The following OVOL2 variants were observed in gnomAD, a reference collection of about 807,000 sequenced individuals.
OVOL2 encodes the protein ovo like zinc finger 2.
OVOL2 carries 13 observed loss-of-function variants against 18.1 expected under a neutral mutation model. The ratio of observed to expected loss-of-function variants is 0.72; its 90% CI spans 0.47 to 1.14. OVOL2 has a LOEUF of 1.14. OVOL2 is among the 50% of genes most tolerant of loss of function. The pLI, the probability that OVOL2 is intolerant of heterozygous loss-of-function variation, is 0.00. For missense variants in OVOL2, 335 were observed against 383.0 expected, an observed-to-expected ratio of 0.87 and a Z score of 1.05; for synonymous variants, 166 against 162.7, an observed-to-expected ratio of 1.02 and a Z score of -0.16.
chr20:18,035,991 A>G (rs144637594), intron 3 of OVOL2, among the ~76,000 whole-genome samples: 2 of 152,312 alleles, frequency 1.3e-5, no homozygotes, highest in African/African-American at 2.4e-5. Context: ...TGTAAAATCC[A>G]TATTAAAAAT....
At chr20:18,034,053 T>G (rs6034943) in intron 3 of OVOL2, among the ~76,000 whole-genome samples, 23,883 of 152,010 alleles carry the variant, frequency 0.16, 3,088 homozygotes, top group African/African-American at 0.34. Context: ...TCCCATGTTG[T>G]CCTCAGTGAT....
intron 3 of OVOL2, among the ~76,000 whole-genome samples, chr20:18,035,908 GA>G (rs1440077715): frequency 1.3e-5 from 2 of 152,176 alleles, no homozygotes; most frequent in Non-Finnish European, 2.9e-5. Context: ...AAACAGGTAG[GA>G]AGAAACAGGT....
chr20:18,056,144 A>G lies in OVOL2; in HGVS notation c.321+513T>C, dbSNP rs2036821945. ...TCTGACAGACACTGGGAACCGGTTCATGTTGGGAGAGGCCCACTATGTGTC... is the reference window on the plus strand; with the variant it reads ...TCTGACAGACACTGGGAACCGGTTCGTGTTGGGAGAGGCCCACTATGTGTC... On this transcript the variant is annotated intron_variant, in intron 2 of 3. Coordinates refer to ENST00000278780, the MANE Select transcript of OVOL2 (RefSeq NM_021220.4). This position sits in a 1 kb window ranked among gnomAD's most constrained non-coding sequence, Gnocchi z 4.2. Among the ~76,000 whole-genome samples, 1 of 152,234 alleles carries G rather than the reference A, an allele frequency of 6.6e-6. No homozygotes were observed. Among genetic ancestry groups the G allele is most frequent in the Non-Finnish European group, 1.5e-5 (1 of 68,040 alleles).
At chr20:18,050,973 A>C (rs1247846079) in intron 2 of OVOL2, among the ~76,000 whole-genome samples, 1 of 152,200 alleles carries the variant, frequency 6.6e-6, no homozygotes, top group African/African-American at 2.4e-5. Flanking sequence ...GGAGACAAAA[A>C]AACAAGAGGA....
At chr20:18,037,747 A>G (rs938991691) in intron 3 of OVOL2, among the ~76,000 whole-genome samples, 1 of 152,082 alleles carries the variant, frequency 6.6e-6, no homozygotes, top group Non-Finnish European at 1.5e-5. Flanking sequence ...TGCATTCTAT[A>G]TGGTTCTTCA....
chr20:18,030,552 A>G (rs917902944), intron 3 of OVOL2, among the ~76,000 whole-genome samples: 2 of 152,146 alleles, frequency 1.3e-5, no homozygotes, highest in Admixed American at 1.3e-4. Context: ...TCTTCAGTCA[A>G]CACAGCCTCT....
At chr20:18,036,015 C>T (rs932591627) in intron 3 of OVOL2, among the ~76,000 whole-genome samples, 1 of 152,066 alleles carries the variant, frequency 6.6e-6, no homozygotes, top group Non-Finnish European at 1.5e-5. Context: ...GATTTTTGGC[C>T]GAGTGCAGTG....
chr20:18,037,950 G>C (rs972549083), intron 3 of OVOL2, among the ~76,000 whole-genome samples: 5 of 151,824 alleles, frequency 3.3e-5, no homozygotes, highest in Non-Finnish European at 7.4e-5. Context: ...CCCAAACTAA[G>C]ACACTCCTCA....
intron 3 of OVOL2, among the ~76,000 whole-genome samples, chr20:18,035,897 C>CAAACA (rs2036611299): frequency 1.3e-5 from 2 of 152,134 alleles, no homozygotes; most frequent in South Asian, 4.1e-4. Flanking sequence ...GTAGAAGCCT[C>CAAACA]AAACAGGTAG....
At chr20:18,035,065 T>C (rs1223135114) in intron 3 of OVOL2, among the ~76,000 whole-genome samples, 2 of 152,236 alleles carry the variant, frequency 1.3e-5, no homozygotes, top group African/African-American at 4.8e-5. Flanking sequence ...CGTATTTATG[T>C]TAAGTGTCTA....
At chr20:18,043,722 C>A (rs2122713226) in intron 2 of OVOL2, among the ~76,000 whole-genome samples, 1 of 152,320 alleles carries the variant, frequency 6.6e-6, no homozygotes, top group East Asian at 1.9e-4. Flanking sequence ...AAAACCACAA[C>A]CAGACCTGGG....
chr20:18,058,635 A>G (rs1186075463), upstream of OVOL2, among the ~76,000 whole-genome samples: 2 of 151,208 alleles, frequency 1.3e-5, no homozygotes, highest in Non-Finnish European at 3.0e-5. Context: ...CAAGCCCCCA[A>G]TCCTCGCCCA....
rs1482430154 is a variant in OVOL2 at position 18,052,565 on chromosome 20, A to G, written c.321+4092T>C. On this transcript the variant is annotated intron_variant, in intron 2 of 3. Transcript: ENST00000278780. Reference sequence around the variant, plus strand: ...TGTTGGGGCTGGGTGGCAGATACGTATGACTATGCCTTTGAGATTGTAAAT... The same window carrying G: ...TGTTGGGGCTGGGTGGCAGATACGTGTGACTATGCCTTTGAGATTGTAAAT... 2.0e-5 allele frequency among the ~76,000 whole-genome samples: 3 copies of G among 152,294 alleles called. No homozygotes were observed. In the East Asian group the frequency reaches 5.8e-4, roughly 29 times the overall value.
At chr20:18,046,791 G>T (rs911845105) in intron 2 of OVOL2, among the ~76,000 whole-genome samples, 1 of 152,088 alleles carries the variant, frequency 6.6e-6, no homozygotes, top group Non-Finnish European at 1.5e-5. Flanking sequence ...GTTTACATAG[G>T]TTTACACCTA....
intron 2 of OVOL2, among the ~76,000 whole-genome samples, chr20:18,053,844 T>C (rs1241380778): frequency 1.3e-5 from 2 of 152,066 alleles, no homozygotes; most frequent in African/African-American, 4.8e-5. Context: ...CATTTCCAGC[T>C]CTTTACCGCC....
intron 3 of OVOL2, among the ~76,000 whole-genome samples, chr20:18,030,326 T>C (rs1466145090): frequency 6.6e-6 from 1 of 152,214 alleles, no homozygotes; most frequent in Non-Finnish European, 1.5e-5. Flanking sequence ...CACCCAGAGA[T>C]TAGTTGCTCC....
In OVOL2 at chr20:18,057,614, C is replaced by A; in HGVS notation, c.21G>T (p.Val7=). 1 of 1,590,854 alleles carries A rather than the reference C, an allele frequency of 6.3e-7. No individual in the cohort carries two copies. Among genetic ancestry groups the A allele is most frequent in the Non-Finnish European group, 8.6e-7 (1 of 1,168,210 alleles). ...CCGAGACCCCCAGGCTCCTCCTCTT[C>A]ACCAGGAAGACTTTGGGCATGGTGG... The part of the protein sequence containing the change: MPKVFL[V]KRRSLGVSVR... Residue 7 remains valine (V), a synonymous_variant, in exon 1 of 4, where the codon GTG becomes GTT. Transcript: ENST00000278780. This position sits in a 1 kb window ranked among gnomAD's most constrained non-coding sequence, Gnocchi z 6.3.
chr20:18,041,532 A>G lies in OVOL2; in HGVS notation c.511+2T>C, dbSNP rs766354793. The G allele has an allele frequency of 9.9e-5, 159 of 1,607,648 alleles. No homozygotes were observed. Among genetic ancestry groups the G allele is most frequent in the Non-Finnish European group, 1.2e-4 (143 of 1,174,770 alleles). On this transcript the variant is annotated splice_donor_variant, in intron 3 of 3. Coordinates refer to ENST00000278780, the MANE Select transcript of OVOL2 (RefSeq NM_021220.4). LOFTEE classifies it high-confidence loss of function. ...AGAACAAAGCACGCACTCCCCGCTCACCTGTGTGTGTGCGGACGTGCCTCT... is the reference window on the plus strand; with the variant it reads ...AGAACAAAGCACGCACTCCCCGCTCGCCTGTGTGTGTGCGGACGTGCCTCT...
intron 3 of OVOL2, among the ~76,000 whole-genome samples, chr20:18,028,762 C>A (rs1029885254): frequency 6.6e-6 from 1 of 152,032 alleles, no homozygotes; most frequent in Non-Finnish European, 1.5e-5. Context: ...CACCGCACTC[C>A]AGCCTGGGCA....
Sources: allele counts gnomAD v4.1 joint callset (sites outside exome capture counted in the v4.1 genomes callset), GRCh38; gene constraint gnomAD v4.1.1; non-coding constraint Gnocchi (gnomAD v3.1); transcripts MANE v1.5; gene names NCBI Gene and HGNC (gene_info 2026-07-23, HGNC 2026-07-21).